Variants in KDM4B observed in about 807,000 individuals in gnomAD.
KDM4B encodes the protein lysine demethylase 4B.
A neutral mutation model predicts 125.2 loss-of-function variants in KDM4B; 32 were observed. The observed-to-expected ratio is 0.26, with a 90% CI of 0.19 to 0.34. The LOEUF (loss-of-function observed/expected upper bound fraction) is 0.34, where lower values mean the gene tolerates loss of function less well. KDM4B is among the 10% of genes least tolerant of loss of function. The pLI is 1.00. For missense variants in KDM4B, 1,190 were observed against 1,577.7 expected (o/e 0.75, Z 4.16); for synonymous variants, 721 against 677.9 (o/e 1.06, Z -0.99).
chr19:5,005,883 G>A (rs890162296), intron 1 of KDM4B, among the ~76,000 whole-genome samples: 1 of 152,098 alleles, frequency 6.6e-6, no homozygotes. Context: ...GAGGGGCAGG[G>A]GTCGCCCCTG....
Position 5,114,118 on chromosome 19 carries a change from C to T in KDM4B, c.1115+3300C>T, listed in dbSNP as rs559292976. On this transcript the variant is annotated intron_variant, in intron 10 of 22. Transcript: ENST00000159111. This position sits in a 1 kb window ranked among gnomAD's most constrained non-coding sequence, Gnocchi z 5.8. ...CCGGTGGCGCTGTGCGTTCTGGTGC[C>T]CTGCCTGAGCCGGAGCCCTCACAGT... The T allele has an allele frequency of 1.9e-5, 24 of 1,289,610 alleles. No individual in the cohort carries two copies. Among genetic ancestry groups the T allele is most frequent in the Middle Eastern group, 2.1e-4 (1 of 4,696 alleles). 79.9% of individuals were successfully genotyped at this position (1,289,610 alleles called of 1,614,324 possible). A position where few individuals can be genotyped will look rare whatever the true frequency, so the allele number is the denominator to read the frequency against.
rs116250457 is a variant in KDM4B, at chr19:5,065,726, G to A, written c.627-5284G>A. ...GCCTTTGCTTTCATTCCCTGGTTCC[G>A]GCTCCAGCTCCGGCTCCGGCTCATG... On this transcript the variant is annotated intron_variant, in intron 6 of 22. Transcript: ENST00000159111. Among the ~76,000 whole-genome samples the A allele has an allele frequency of 6.7e-3, 1,024 of 152,300 alleles. 11 individuals are homozygous for A. Among genetic ancestry groups the A allele is most frequent in the African/African-American group, 0.024 (984 of 41,564 alleles).
chr19:4,985,126 C>G (rs2034783545), intron 1 of KDM4B, among the ~76,000 whole-genome samples: 2 of 152,142 alleles, frequency 1.3e-5, no homozygotes, highest in Non-Finnish European at 1.5e-5. Flanking sequence ...GAGTTTGAGA[C>G]CAGCCTGGCC....
At chr19:5,068,786 G>A (rs1390773056) in intron 6 of KDM4B, among the ~76,000 whole-genome samples, 4 of 152,250 alleles carry the variant, frequency 2.6e-5, no homozygotes, top group Admixed American at 1.3e-4. Flanking sequence ...CGCTGGGCCT[G>A]CGTCCCGCAG....
intron 10 of KDM4B, chr19:5,111,554 G>A (rs768066298): frequency 8.3e-5 from 63 of 759,646 alleles, no homozygotes; most frequent in Admixed American, 1.0e-4. Flanking sequence ...GGCGAGCACC[G>A]GCCTCCCCAG....
At chr19:5,014,392 T>A (rs1033554039) in intron 1 of KDM4B, among the ~76,000 whole-genome samples, 31 of 152,142 alleles carry the variant, frequency 2.0e-4, no homozygotes, top group Middle Eastern at 3.2e-3. Context: ...TTCTCCTGCC[T>A]CAGCCTCCCG....
At chr19:5,060,767 G>A (rs986302684) in intron 6 of KDM4B, among the ~76,000 whole-genome samples, 3 of 152,184 alleles carry the variant, frequency 2.0e-5, no homozygotes, top group East Asian at 1.9e-4. Flanking sequence ...GACAGCCGCC[G>A]CTGTGTCACT....
chr19:5,070,924 G>A (rs2037927879), intron 6 of KDM4B, 86 bp from the exon 7 acceptor site: 18 of 1,409,124 alleles, frequency 1.3e-5, no homozygotes, highest in African/African-American at 2.8e-5. Context: ...CACTGTCTGC[G>A]TCTCCCCAAG....
chr19:5,008,985 G>A lies in KDM4B; in HGVS notation c.-108-7272G>A, dbSNP rs111279053. On this transcript the variant is annotated intron_variant, in intron 1 of 22. Coordinates refer to ENST00000159111, the MANE Select transcript of KDM4B (RefSeq NM_015015.3). Reference sequence around the variant, plus strand: ...GGCTGGAGTGCAGTGGCATGATCTCGGCTCAGGCAGCCTCTGCCTCCCAGG... The same window carrying A: ...GGCTGGAGTGCAGTGGCATGATCTCAGCTCAGGCAGCCTCTGCCTCCCAGG... 2.0e-4 allele frequency among the ~76,000 whole-genome samples: 30 copies of A among 147,724 alleles called. 2 individuals are homozygous for A. Among genetic ancestry groups the A allele is most frequent in the African/African-American group, 7.4e-4 (29 of 38,940 alleles).
chr19:5,047,772 G>C (rs747714089), intron 6 of KDM4B, 103 bp downstream of exon 6: 31 of 1,161,976 alleles, frequency 2.7e-5, no homozygotes, highest in Non-Finnish European at 3.8e-5. Context: ...GCCCCACCAG[G>C]TGAGGCCGCA....
Position 5,017,385 on chromosome 19 carries a change from A to G in KDM4B, c.-26+1046A>G, listed in dbSNP as rs78119469. 1.5e-3 allele frequency among the ~76,000 whole-genome samples: 233 copies of G among 152,224 alleles called. 2 individuals carry two copies. Among genetic ancestry groups the G allele is most frequent in the African/African-American group, 5.4e-3 (224 of 41,524 alleles). ...CATGGCTGTGTCCATTTGCCTGAGC[A>G]TTGTCCCTGGTTGCCTTCTCCTCAC... On this transcript the variant is annotated intron_variant, in intron 2 of 22. Transcript: ENST00000159111.
chr19:5,144,709 G>A, intron 20 of KDM4B, 74 bp from the exon 21 acceptor site: 1 of 1,581,648 alleles, frequency 6.3e-7, no homozygotes, highest in South Asian at 1.2e-5. Context: ...CCAGCGCGGA[G>A]AGGGTCTAAA....
At chr19:5,113,138 G>C (rs2039184036) in intron 10 of KDM4B, 1 of 152,088 alleles carries the variant, frequency 6.6e-6, no homozygotes, top group African/African-American at 2.4e-5. Flanking sequence ...GCGTGGCCTG[G>C]CCTGGCCTCC....
rs555926705 is a variant in KDM4B at position 4,988,368 on chromosome 19, T to C, written c.-109+19138T>C. Among the ~76,000 whole-genome samples the C allele has an allele frequency of 1.3e-3, 200 of 152,246 alleles. 2 individuals carry two copies. Among genetic ancestry groups the C allele is most frequent in the African/African-American group, 4.1e-3 (171 of 41,528 alleles). Reference sequence around the variant, plus strand: ...TAGGCTCACTGCAAGCTCCGCCTCCTGGGTTCACGCCATTCTCCTGCCTCA... The same window carrying C: ...TAGGCTCACTGCAAGCTCCGCCTCCCGGGTTCACGCCATTCTCCTGCCTCA... On this transcript the variant is annotated intron_variant, in intron 1 of 22. Coordinates refer to ENST00000159111, the MANE Select transcript of KDM4B (RefSeq NM_015015.3).
chr19:5,020,051 C>G (rs111164916), intron 2 of KDM4B, among the ~76,000 whole-genome samples: 2 of 37,468 alleles, frequency 5.3e-5, no homozygotes, highest in African/African-American at 1.1e-4. Context: ...GTGCAGGTGT[C>G]GGTGTGGGTG....
At chr19:5,120,947 G>C (rs2039349316) in intron 11 of KDM4B, among the ~76,000 whole-genome samples, 1 of 152,186 alleles carries the variant, frequency 6.6e-6, no homozygotes, top group Non-Finnish European at 1.5e-5. Flanking sequence ...AACATGACCT[G>C]GTCTGCCTCT....
chr19:5,062,844 A>G lies in KDM4B; in HGVS notation c.627-8166A>G, dbSNP rs188304335. Among the ~76,000 whole-genome samples the G allele has an allele frequency of 9.2e-4, 129 of 140,682 alleles. 1 individual carries two copies. The highest frequency in any genetic ancestry group is 2.9e-3 in the African/African-American group (109 of 37,496). The allele number at this position is 140,682 out of a possible 152,430, so 92.3% of individuals were successfully genotyped here. A position where few individuals can be genotyped will look rare whatever the true frequency, so the allele number is the denominator to read the frequency against. ...TGCCTAGGTTGGAGTGCAGTGGTGC[A>G]GTCATGGCTCACTGCAGCCTCAACC... On this transcript the variant is annotated intron_variant, in intron 6 of 22. Coordinates refer to ENST00000159111, the MANE Select transcript of KDM4B (RefSeq NM_015015.3).
chr19:5,058,069 G>A (rs891106684), intron 6 of KDM4B, among the ~76,000 whole-genome samples: 5 of 152,340 alleles, frequency 3.3e-5, no homozygotes, highest in South Asian at 4.1e-4. Context: ...ACCCAGTCAC[G>A]TGGCCACACC....
chr19:4,987,994 C>T (rs576463971), intron 1 of KDM4B, among the ~76,000 whole-genome samples: 1 of 152,318 alleles, frequency 6.6e-6, no homozygotes, highest in East Asian at 1.9e-4. Context: ...TCCTGCACAG[C>T]GATGTGGTCT....
Sources: gnomAD v4.1 joint callset for allele counts (sites outside exome capture counted in the v4.1 genomes callset) on GRCh38, gnomAD v4.1.1 for gene constraint, Gnocchi (gnomAD v3.1) non-coding constraint, MANE v1.5 for transcripts, NCBI Gene and HGNC (gene_info 2026-07-23, HGNC 2026-07-21) for gene names.